The following ADAM12 variants were observed in gnomAD, a reference collection of about 807,000 sequenced individuals.
ADAM12 encodes ADAM metallopeptidase domain 12, also known as disintegrin and metalloproteinase domain-containing protein 12.
Under a neutral mutation model 106.4 loss-of-function variants are expected in ADAM12, and 70 were observed. That is an observed-to-expected ratio of 0.66 (90% confidence interval 0.54 to 0.80). The LOEUF is 0.80. Among genes scored for constraint, ADAM12 ranks in the 30% least tolerant of loss-of-function variants. The pLI is 0.00. For synonymous variants in ADAM12, 420 were observed against 433.5 expected (o/e 0.97, Z 0.39); for missense variants, 1,010 against 1,171.9 (o/e 0.86, Z 2.02).
At chr10:126,271,949 A>G (rs1959179293) in intron 3 of ADAM12, among the ~76,000 whole-genome samples, 1 of 152,150 alleles carries the variant, frequency 6.6e-6, no homozygotes, top group African/African-American at 2.4e-5. Context: ...CTAGAATCTG[A>G]GAAGCTGGAC....
At chr10:126,325,158 C>T (rs963813834) in intron 2 of ADAM12, among the ~76,000 whole-genome samples, 2 of 152,046 alleles carry the variant, frequency 1.3e-5, no homozygotes, top group East Asian at 1.9e-4. Context: ...AACATGAGAA[C>T]GGGGTCTCAG....
At chr10:126,267,758 C>A (rs931121553) in intron 3 of ADAM12, among the ~76,000 whole-genome samples, 1 of 151,876 alleles carries the variant, frequency 6.6e-6, no homozygotes, top group African/African-American at 2.4e-5. Flanking sequence ...GTATTGGGGA[C>A]CCCTAGCCTA....
At chr10:126,318,233 C>T (rs1274110076) in intron 2 of ADAM12, among the ~76,000 whole-genome samples, 1 of 152,056 alleles carries the variant, frequency 6.6e-6, no homozygotes, top group African/African-American at 2.4e-5. Flanking sequence ...TACCATCTCT[C>T]TCACACACAC....
At chr10:126,378,664 G>A (rs997349499) in intron 1 of ADAM12, among the ~76,000 whole-genome samples, 17 of 152,168 alleles carry the variant, frequency 1.1e-4, no homozygotes, top group Non-Finnish European at 1.6e-4. Context: ...AATGGGTGGG[G>A]AGAAAAGGTA....
intron 3 of ADAM12, among the ~76,000 whole-genome samples, chr10:126,194,738 G>A (rs906571568): frequency 6.6e-6 from 1 of 152,234 alleles, no homozygotes; most frequent in Non-Finnish European, 1.5e-5. Context: ...GAGCTTCAGG[G>A]TAGAAAGTTG....
At position 126,043,115 on chromosome 10, in the gene ADAM12, C is replaced by A; in HGVS notation, c.2029G>T (p.Ala677Ser). 1 of 1,614,166 alleles carries A rather than the reference C, an allele frequency of 6.2e-7. No homozygotes were observed. Among genetic ancestry groups the A allele is most frequent in the African/African-American group, 1.3e-5 (1 of 75,046 alleles). The change falls in exon 18 of 23, where the codon GCC becomes TCC. Residue 677 changes from alanine to serine, a missense_variant. Ala to Ser is a moderately conservative substitution (Grantham distance 99, BLOSUM62 1). This residue lies in a region of ADAM12 where 615 missense variants were observed against 708.5 expected (regional missense o/e 0.87). Transcript: ENST00000448723. This position sits in a 1 kb window ranked among gnomAD's most constrained non-coding sequence, Gnocchi z 4.1. Reference sequence around the variant, plus strand: ...TCACAGAAGGGAGGTGCCCAGTGGGCCTCGCAGTGGCAGTTCTTCCTGTTG... The same window carrying A: ...TCACAGAAGGGAGGTGCCCAGTGGGACTCGCAGTGGCAGTTCTTCCTGTTG... ...CNNRKNCHCE[A>S]HWAPPFCDKF...
At chr10:126,183,021 T>C (rs1019653156) in intron 3 of ADAM12, among the ~76,000 whole-genome samples, 3 of 152,138 alleles carry the variant, frequency 2.0e-5, no homozygotes, top group Non-Finnish European at 2.9e-5. Flanking sequence ...CTCCAACTCC[T>C]GTCAGATCAG....
chr10:126,317,825 G>T (rs548828513), intron 2 of ADAM12, among the ~76,000 whole-genome samples: 25 of 152,162 alleles, frequency 1.6e-4, no homozygotes, highest in African/African-American at 6.0e-4. Context: ...GTGGTGCAAT[G>T]TTGGCTCACT....
intron 3 of ADAM12, among the ~76,000 whole-genome samples, chr10:126,163,661 A>G (rs1565107069): frequency 2.0e-5 from 3 of 152,176 alleles, no homozygotes; most frequent in African/African-American, 7.2e-5. Flanking sequence ...AGCATGGGAG[A>G]GCTGAAAGAA....
intron 3 of ADAM12, among the ~76,000 whole-genome samples, chr10:126,255,033 G>A (rs916410405): frequency 2.0e-5 from 3 of 152,156 alleles, no homozygotes; most frequent in Non-Finnish European, 2.9e-5. Context: ...GGCCACCCTC[G>A]GAGCACGGCT....
rs1228801991 is a variant in ADAM12 at position 126,015,141 on chromosome 10, G to GC, written c.*2137dup. The GC allele has an allele frequency of 6.6e-6, 1 of 152,154 alleles. No homozygotes were observed. Among genetic ancestry groups the GC allele is most frequent in the Non-Finnish European group, 1.5e-5 (1 of 68,028 alleles). 9.4% of individuals were successfully genotyped at this position (152,154 alleles called of 1,614,324 possible). A position where few individuals can be genotyped will look rare whatever the true frequency, so the allele number is the denominator to read the frequency against. ...AGATAAGAATGTGTCATCAGCCATG[G>GC]CCCCTAAGTGGCCATTGATGACATG... On this transcript the variant is annotated 3_prime_UTR_variant, in exon 23 of 23. Transcript: ENST00000448723.
chr10:126,249,909 T>C (rs1403287512), intron 3 of ADAM12, among the ~76,000 whole-genome samples: 2 of 152,196 alleles, frequency 1.3e-5, no homozygotes, highest in Admixed American at 6.5e-5. Context: ...TCTGTCAAGC[T>C]GCAAATTCCT....
chr10:126,178,122 A>C (rs1183785921), intron 3 of ADAM12, among the ~76,000 whole-genome samples: 1 of 152,220 alleles, frequency 6.6e-6, no homozygotes, highest in Non-Finnish European at 1.5e-5. Flanking sequence ...TACATTAGAC[A>C]AAGTCAATCA....
At position 126,049,793 on chromosome 10, in the gene ADAM12, G is replaced by A. The variant is rs189070659; in HGVS notation, c.1610-124C>T. The A allele has an allele frequency of 1.2e-4, 104 of 848,942 alleles. No homozygotes were observed. In the East Asian group the frequency reaches 2.1e-3, roughly 17 times the overall value. 52.6% of individuals were successfully genotyped at this position (848,942 alleles called of 1,614,324 possible). A position where few individuals can be genotyped will look rare whatever the true frequency, so the allele number is the denominator to read the frequency against. On this transcript the variant is annotated intron_variant, in intron 14 of 22. Coordinates refer to ENST00000448723, the MANE Select transcript of ADAM12 (RefSeq NM_001288973.2). The surrounding 1 kb of genome is among the most constrained non-coding windows in gnomAD (Gnocchi z 4.4). ...AGCAATCACACCCAGTGTCTGTCCC[G>A]ACTCATGGTGGGAGCTGGCCAGGGG... is the stretch of plus-strand genomic sequence containing the variant.
intron 2 of ADAM12, among the ~76,000 whole-genome samples, chr10:126,307,389 T>C (rs11244944): frequency 0.4 from 60,572 of 151,940 alleles, 12,826 homozygotes; most frequent in South Asian, 0.52. Flanking sequence ...AGTCTTGCTC[T>C]GTCACCCAGG....
chr10:126,046,163 T>G, intron 16 of ADAM12, 31 bp from the exon 17 acceptor site: 12 of 1,589,194 alleles, frequency 7.6e-6, no homozygotes, highest in Non-Finnish European at 1.0e-5. Context: ...AGCAAATCTC[T>G]TAGTATTTCT....
intron 14 of ADAM12, among the ~76,000 whole-genome samples, chr10:126,060,560 C>T (rs1275253537): frequency 2.0e-5 from 3 of 152,202 alleles, no homozygotes; most frequent in African/African-American, 7.2e-5. Context: ...AGCATTTGCT[C>T]CTGGGTGGGG....
In ADAM12 at chr10:126,385,983, G is replaced by A. The variant is rs1306317499; in HGVS notation, c.88+2075C>T. On this transcript the variant is annotated intron_variant, in intron 1 of 22. Coordinates refer to ENST00000448723, the MANE Select transcript of ADAM12 (RefSeq NM_001288973.2). ...AGAGGGATAAGAGGCTTCTGCAGAAGAGATTTTTCCTATAATGTGGCCTGG... is the reference window on the plus strand; with the variant it reads ...AGAGGGATAAGAGGCTTCTGCAGAAAAGATTTTTCCTATAATGTGGCCTGG... Among the ~76,000 whole-genome samples, 3 of 152,200 alleles carry A rather than the reference G, an allele frequency of 2.0e-5. No individual in the cohort carries two copies. In the East Asian group the frequency reaches 5.8e-4, roughly 29 times the overall value.
chr10:126,123,018 C>A (rs780124869), intron 5 of ADAM12, among the ~76,000 whole-genome samples: 10 of 152,154 alleles, frequency 6.6e-5, no homozygotes, highest in African/African-American at 2.4e-4. Flanking sequence ...ATTCTCTTAT[C>A]TTCTTTTATC....
Sources: gnomAD v4.1 joint callset for allele counts (sites outside exome capture counted in the v4.1 genomes callset) on GRCh38, gnomAD v4.1.1 for gene constraint, gnomAD v4.1.1 regional missense constraint, Gnocchi (gnomAD v3.1) non-coding constraint, MANE v1.5 for transcripts, NCBI Gene and HGNC (gene_info 2026-07-23, HGNC 2026-07-21) for gene names.